Variants in PLAGL1 observed in about 807,000 individuals in gnomAD.
PLAGL1 encodes the protein PLAG1 like zinc finger 1.
In PLAGL1, 1 loss-of-function variant was observed where a neutral mutation model predicts 4.6. The ratio of observed to expected loss-of-function variants is 0.22; its 90% CI spans 0.08 to 1.03. The LOEUF is 1.03. Ranked by LOEUF, PLAGL1 falls within the 50% of genes least tolerant of loss-of-function variation. PLAGL1 has a pLI of 0.58. For synonymous variants in PLAGL1, 240 were observed against 237.8 expected, an observed-to-expected ratio of 1.01 and a Z score of -0.08; for missense variants, 464 against 570.4, an observed-to-expected ratio of 0.81 and a Z score of 1.90.
rs918032626 is a variant in PLAGL1, at chr6:144,008,220, C to CCCGTCCGT, written c.-722_-715dup. The CCCGTCCGT allele has an allele frequency of 6.6e-6, 1 of 151,820 alleles. No homozygotes were observed. Among genetic ancestry groups the CCCGTCCGT allele is most frequent in the Non-Finnish European group, 1.5e-5 (1 of 68,020 alleles). The allele number at this position is 151,820 out of a possible 1,614,324, so 9.4% of individuals were successfully genotyped here. Reference sequence around the variant, plus strand: ...GCTGCTGAGCTGTGAGCACGGCTGCCCCGTCCGTCCGTCCGTCCAGCACCC... The same window carrying CCCGTCCGT: ...GCTGCTGAGCTGTGAGCACGGCTGCCCCGTCCGTCCGTCCGTCCGTCCGTCCAGCACCC... On this transcript the variant is annotated 5_prime_UTR_variant, in exon 1 of 8. Coordinates refer to ENST00000674357, the MANE Select transcript of PLAGL1 (RefSeq NM_001317162.2). The surrounding 1 kb of genome is among the most constrained non-coding windows in gnomAD (Gnocchi z 6.9).
At chr6:144,062,274 G>A (rs1294877219) in intron 1 of PLAGL1, among the ~76,000 whole-genome samples, 1 of 151,856 alleles carries the variant, frequency 6.6e-6, no homozygotes, top group Non-Finnish European at 1.5e-5. Context: ...CTACTTGGGA[G>A]GCTGAGGCAG....
chr6:144,038,065 T>G (rs879306780), intron 1 of PLAGL1, among the ~76,000 whole-genome samples: 6 of 152,178 alleles, frequency 3.9e-5, no homozygotes, highest in African/African-American at 1.4e-4. Context: ...CAGATAGTAG[T>G]TGGAGTCTCA....
Position 143,948,215 on chromosome 6 carries a change from G to T in PLAGL1, c.-79C>A. Reference sequence around the variant, plus strand: ...ATTTAAGCACAAACAGAACGATGGTGCTGGGCACATCAGCAGAGTCCCTGC... The same window carrying T: ...ATTTAAGCACAAACAGAACGATGGTTCTGGGCACATCAGCAGAGTCCCTGC... On this transcript the variant is annotated 5_prime_UTR_variant, in exon 7 of 8. Transcript: ENST00000674357. This position sits in a 1 kb window ranked among gnomAD's most constrained non-coding sequence, Gnocchi z 6.0. 7.4e-7 allele frequency: 1 copy of T among 1,346,830 alleles called. No individual in the cohort carries two copies. The highest frequency in any genetic ancestry group is 1.0e-6 in the Non-Finnish European group (1 of 953,004). 83.4% of individuals were successfully genotyped at this position (1,346,830 alleles called of 1,614,324 possible).
chr6:144,021,528 C>A (rs1371985763), intron 1 of PLAGL1, among the ~76,000 whole-genome samples: 1 of 152,176 alleles, frequency 6.6e-6, no homozygotes, highest in South Asian at 2.1e-4. Context: ...GGAATAACTA[C>A]ATGGAGGAAG....
At chr6:143,946,076 A>G (rs1435559432) in intron 7 of PLAGL1, among the ~76,000 whole-genome samples, 1 of 152,164 alleles carries the variant, frequency 6.6e-6, no homozygotes, top group Non-Finnish European at 1.5e-5. Flanking sequence ...GTCATACCCA[A>G]ATACACATAT....
chr6:144,047,667 C>T (rs1385063361), intron 1 of PLAGL1, among the ~76,000 whole-genome samples: 1 of 152,138 alleles, frequency 6.6e-6, no homozygotes, highest in African/African-American at 2.4e-5. Flanking sequence ...CCCCATGATC[C>T]AATCACCCCA....
At chr6:144,044,342 G>A (rs571033419) in intron 1 of PLAGL1, among the ~76,000 whole-genome samples, 1 of 152,320 alleles carries the variant, frequency 6.6e-6, no homozygotes, top group African/African-American at 2.4e-5. Context: ...TCTACACACT[G>A]CTTTAAACGT....
chr6:143,942,612 C>A lies in PLAGL1; in HGVS notation c.204G>T (p.Glu68Asp). ...GGTGGTCTTTCCGGTTGAACGTCTT[C>A]TCACAGTGAGCACACTGGTGAGATT... ...PQKSHQCAHC[E>D]KTFNRKDHLK... The change falls in exon 8 of 8, where the codon GAG becomes GAT. Residue 68 changes from glutamate to aspartate, a missense_variant. Transcript: ENST00000674357. The surrounding 1 kb of genome is among the most constrained non-coding windows in gnomAD (Gnocchi z 7.6). 2 of 1,614,134 alleles carry A rather than the reference C, an allele frequency of 1.2e-6. No individual in the cohort carries two copies. Among genetic ancestry groups the A allele is most frequent in the Non-Finnish European group, 1.7e-6 (2 of 1,179,998 alleles).
chr6:144,031,759 A>G (rs1796849216), intron 1 of PLAGL1, among the ~76,000 whole-genome samples: 2 of 152,174 alleles, frequency 1.3e-5, no homozygotes, highest in African/African-American at 2.4e-5. Context: ...ATGGCCTTAG[A>G]GTACAGTTTG....
rs1785126117 is a variant in PLAGL1 at position 143,970,011 on chromosome 6, T to C, written c.-543-1033A>G. ...CAGTGAAAATAATGAAGACAGGAAA[T>C]AGATCAATAACTTAAACCCATCAAC... is the stretch of plus-strand genomic sequence containing the variant. On this transcript the variant is annotated intron_variant, in intron 2 of 7. Transcript: ENST00000674357. This position sits in a 1 kb window ranked among gnomAD's most constrained non-coding sequence, Gnocchi z 5.8. Among the ~76,000 whole-genome samples the C allele has an allele frequency of 6.6e-6, 1 of 152,014 alleles. No individual in the cohort carries two copies. Among genetic ancestry groups the C allele is most frequent in the African/African-American group, 2.4e-5 (1 of 41,388 alleles).
Position 143,954,293 on chromosome 6 carries a change from G to GA in PLAGL1, c.-324-5834dup, listed in dbSNP as rs146847400. ...GAAAACTGACACAAAAAGTAACGGG[G>GA]AAAAAAAGACTACGGGGGGAAGGAA... On this transcript the variant is annotated intron_variant, in intron 6 of 7. Coordinates refer to ENST00000674357, the MANE Select transcript of PLAGL1 (RefSeq NM_001317162.2). The surrounding 1 kb of genome is among the most constrained non-coding windows in gnomAD (Gnocchi z 5.1). 1.3e-5 allele frequency among the ~76,000 whole-genome samples: 2 copies of GA among 151,710 alleles called. No homozygotes were observed. The highest frequency in any genetic ancestry group is 1.9e-4 in the East Asian group (1 of 5,190).
chr6:143,947,961 C>G lies in PLAGL1; in HGVS notation c.152+24G>C, dbSNP rs900587692. 3 of 1,606,018 alleles carry G rather than the reference C, an allele frequency of 1.9e-6. No homozygotes were observed. In the Admixed American group the frequency reaches 5.0e-5, roughly 27 times the overall value. On this transcript the variant is annotated intron_variant, in intron 7 of 7. Coordinates refer to ENST00000674357, the MANE Select transcript of PLAGL1 (RefSeq NM_001317162.2). The surrounding 1 kb of genome is among the most constrained non-coding windows in gnomAD (Gnocchi z 4.3). ...CCATTTAAACGTACTTCTAAAAGTG[C>G]ATACCTTTGCCAAAGCCTCTCACCT... is the stretch of plus-strand genomic sequence containing the variant.
intron 1 of PLAGL1, among the ~76,000 whole-genome samples, chr6:144,026,075 C>A (rs1020647611): frequency 6.6e-6 from 1 of 152,136 alleles, no homozygotes; most frequent in Non-Finnish European, 1.5e-5. Context: ...CTTTCCCAAC[C>A]CATTCATTCA....
At position 143,960,884 on chromosome 6, in the gene PLAGL1, T is replaced by G. The variant is rs749666952; in HGVS notation, c.-398-342A>C. On this transcript the variant is annotated intron_variant, in intron 5 of 7. Transcript: ENST00000674357. This position sits in a 1 kb window ranked among gnomAD's most constrained non-coding sequence, Gnocchi z 5.7. ...GTATTAAAATACCATAAAACAGGTA[T>G]GCAAATCTATGCAATAACAGAACCT... 2 of 152,214 alleles carry G rather than the reference T, an allele frequency of 1.3e-5. No homozygotes were observed. The highest frequency in any genetic ancestry group is 2.1e-4 in the South Asian group (1 of 4,834). The allele number at this position is 152,214 out of a possible 1,614,324, so 9.4% of individuals were successfully genotyped here. A position where few individuals can be genotyped will look rare whatever the true frequency, so the allele number is the denominator to read the frequency against.
In PLAGL1 at chr6:143,975,698, T is replaced by C. The variant is rs1317939634; in HGVS notation, c.-543-6720A>G. 6.6e-6 allele frequency among the ~76,000 whole-genome samples: 1 copy of C among 152,164 alleles called. No individual in the cohort carries two copies. Among genetic ancestry groups the C allele is most frequent in the African/African-American group, 2.4e-5 (1 of 41,438 alleles). ...AACTAATGAACCAAGATCAAACTAT[T>C]ATAAAAGAGAAAGAAGCTACTTTAC... On this transcript the variant is annotated intron_variant, in intron 2 of 7. Coordinates refer to ENST00000674357, the MANE Select transcript of PLAGL1 (RefSeq NM_001317162.2). This position sits in a 1 kb window ranked among gnomAD's most constrained non-coding sequence, Gnocchi z 5.8.
intron 1 of PLAGL1, among the ~76,000 whole-genome samples, chr6:144,046,742 T>C (rs572591922): frequency 1.0e-3 from 154 of 152,226 alleles, no homozygotes; most frequent in Non-Finnish European, 1.9e-3. Flanking sequence ...ACAGGGACGT[T>C]TAAGTCTGCA....
rs1337091329 is a variant in PLAGL1, at chr6:143,965,194, G to A, written c.-430-376C>T. The A allele has an allele frequency of 3.3e-5, 5 of 152,192 alleles. No homozygotes were observed. In the East Asian group the frequency reaches 9.6e-4, roughly 29 times the overall value. The allele number at this position is 152,192 out of a possible 1,614,324, so 9.4% of individuals were successfully genotyped here. On this transcript the variant is annotated intron_variant, in intron 4 of 7. Coordinates refer to ENST00000674357, the MANE Select transcript of PLAGL1 (RefSeq NM_001317162.2). This position sits in a 1 kb window ranked among gnomAD's most constrained non-coding sequence, Gnocchi z 7.5. Reference sequence around the variant, plus strand: ...ATGGTCAGTACTTGCAGCACCAAATGGGCACGTCTAAGGGGTCCGGGCTTT... The same window carrying A: ...ATGGTCAGTACTTGCAGCACCAAATAGGCACGTCTAAGGGGTCCGGGCTTT...
intron 1 of PLAGL1, among the ~76,000 whole-genome samples, chr6:144,003,088 A>G (rs975110126): frequency 1.3e-5 from 2 of 152,112 alleles, no homozygotes; most frequent in Non-Finnish European, 2.9e-5. Context: ...TGGAAAGAAC[A>G]GAGTCCAGAA....
intron 1 of PLAGL1, among the ~76,000 whole-genome samples, chr6:144,049,864 T>A (rs1191458337): frequency 6.6e-6 from 1 of 152,152 alleles, no homozygotes; most frequent in Non-Finnish European, 1.5e-5. Flanking sequence ...AAAGCCAAGG[T>A]TTTTATCCTT....
Sources: allele counts gnomAD v4.1 joint callset (sites outside exome capture counted in the v4.1 genomes callset), GRCh38; gene constraint gnomAD v4.1.1; non-coding constraint Gnocchi (gnomAD v3.1); transcripts MANE v1.5; gene names NCBI Gene and HGNC (gene_info 2026-07-23, HGNC 2026-07-21).